The following UNC79 variants were observed in gnomAD, a reference collection of about 807,000 sequenced individuals.
The protein encoded by UNC79 is protein unc-79 homolog.
UNC79 carries 37 observed loss-of-function variants against 283.1 expected under a neutral mutation model. The observed-to-expected ratio is 0.13, with a 90% CI of 0.10 to 0.17. The LOEUF (loss-of-function observed/expected upper bound fraction) is 0.17, where lower values mean the gene tolerates loss of function less well. UNC79 is among the 10% of genes least tolerant of loss of function. The probability of loss-of-function intolerance (pLI) is 1.00; values close to 1 mark genes in which losing one functional copy is unlikely to be tolerated. For missense variants in UNC79, 2,272 were observed against 3,211.1 expected, an observed-to-expected ratio of 0.71 and a Z score of 7.07; for synonymous variants, 1,107 against 1,200.2, an observed-to-expected ratio of 0.92 and a Z score of 1.61.
At chr14:93,493,829 C>T (rs2058855668) in intron 5 of UNC79, among the ~76,000 whole-genome samples, 1 of 145,026 alleles carries the variant, frequency 6.9e-6, no homozygotes, top group Non-Finnish European at 1.5e-5. Flanking sequence ...GGAAGCACGT[C>T]TTACATGGCT....
intron 20 of UNC79, among the ~76,000 whole-genome samples, chr14:93,585,870 C>T (rs2064184617): frequency 1.3e-5 from 2 of 149,732 alleles, no homozygotes; most frequent in South Asian, 4.2e-4. Flanking sequence ...AAATTGAACA[C>T]CTCTCTCTCT....
chr14:93,503,412 G>A, intron 7 of UNC79, among the ~76,000 whole-genome samples: 1 of 152,016 alleles, frequency 6.6e-6, no homozygotes, highest in African/African-American at 2.4e-5. Context: ...TCTGTTAGGT[G>A]CCTAAGGTGG....
intron 2 of UNC79, among the ~76,000 whole-genome samples, chr14:93,472,855 G>T (rs2057591855): frequency 6.6e-6 from 1 of 152,020 alleles, no homozygotes; most frequent in Admixed American, 6.6e-5. Context: ...TTATCTACTT[G>T]GACTAACATA....
intron 1 of UNC79, among the ~76,000 whole-genome samples, chr14:93,406,846 A>G (rs536578878): frequency 6.6e-6 from 1 of 152,332 alleles, no homozygotes; most frequent in East Asian, 1.9e-4. Context: ...CTAGGCGGCT[A>G]TAACAAAGTA....
At chr14:93,349,139 C>T (rs187718921) in intron 1 of UNC79, among the ~76,000 whole-genome samples, 9 of 152,252 alleles carry the variant, frequency 5.9e-5, no homozygotes, top group Non-Finnish European at 1.2e-4. Context: ...GAACAAACTC[C>T]GGACACACAC....
At chr14:93,366,324 A>G (rs539083148) in intron 1 of UNC79, among the ~76,000 whole-genome samples, 46 of 152,320 alleles carry the variant, frequency 3.0e-4, no homozygotes, top group Middle Eastern at 3.4e-3. Context: ...TTGGTTACAC[A>G]GAGCAGATCC....
At chr14:93,413,748 G>C (rs112906283) in intron 1 of UNC79, among the ~76,000 whole-genome samples, 2 of 121,368 alleles carry the variant, frequency 1.6e-5, no homozygotes, top group Non-Finnish European at 3.5e-5. Flanking sequence ...ATCTCATTGT[G>C]GTTTTGATTT....
intron 2 of UNC79, among the ~76,000 whole-genome samples, chr14:93,468,220 A>G (rs1453689012): frequency 9.2e-5 from 14 of 152,188 alleles, no homozygotes; most frequent in Admixed American, 9.2e-4. Context: ...GATAATAGTT[A>G]TTTTTAATCT....
chr14:93,570,482 C>G (rs1037413804), intron 14 of UNC79, among the ~76,000 whole-genome samples: 1 of 152,190 alleles, frequency 6.6e-6, no homozygotes, highest in African/African-American at 2.4e-5. Flanking sequence ...GCCCATTGAC[C>G]TGTAAAGGGA....
chr14:93,614,903 A>G (rs2066588079), intron 27 of UNC79, among the ~76,000 whole-genome samples: 1 of 152,172 alleles, frequency 6.6e-6, no homozygotes, highest in Non-Finnish European at 1.5e-5. Flanking sequence ...GTATCAGCCA[A>G]TGTGAGAATT....
At chr14:93,501,686 CAA>C (rs11308431) in intron 7 of UNC79, among the ~76,000 whole-genome samples, 8 of 148,182 alleles carry the variant, frequency 5.4e-5, no homozygotes, top group Admixed American at 1.3e-4. Context: ...GACTCCGTCT[CAA>C]AAAAAAAAAG....
At chr14:93,447,240 T>C (rs1293587943) in intron 1 of UNC79, among the ~76,000 whole-genome samples, 1 of 152,198 alleles carries the variant, frequency 6.6e-6, no homozygotes, top group East Asian at 1.9e-4. Context: ...CCCATTCATT[T>C]CCTTTCACCC....
chr14:93,699,259 C>T (rs151239791), intron 47 of UNC79, among the ~76,000 whole-genome samples: 3,944 of 152,158 alleles, frequency 0.026, 68 homozygotes, highest in South Asian at 0.062. Context: ...TTCTTTGTCT[C>T]CTGTCCTCTC....
chr14:93,643,241 A>G (rs1343435154), intron 33 of UNC79, among the ~76,000 whole-genome samples: 1 of 152,220 alleles, frequency 6.6e-6, no homozygotes, highest in Non-Finnish European at 1.5e-5. Context: ...TCCTTCATCC[A>G]CAGGCTTCAA....
At chr14:93,384,438 C>T (rs2054728133) in intron 1 of UNC79, among the ~76,000 whole-genome samples, 1 of 152,176 alleles carries the variant, frequency 6.6e-6, no homozygotes, top group Non-Finnish European at 1.5e-5. Context: ...ATTTGCATTT[C>T]TCTGATGATC....
chr14:93,595,199 G>T (rs1272978345), intron 23 of UNC79, among the ~76,000 whole-genome samples: 1 of 151,222 alleles, frequency 6.6e-6, no homozygotes, highest in African/African-American at 2.4e-5. Context: ...AAGCGATTCT[G>T]TTGCCTCAGC....
At chr14:93,604,936 C>T (rs749643235) in intron 26 of UNC79, 131 of 1,586,600 alleles carry the variant, frequency 8.3e-5, no homozygotes, top group Non-Finnish European at 1.0e-4. Context: ...CTCCAGCTCT[C>T]GGTGGGACAC....
At chr14:93,407,851 G>A (rs1159750966) in intron 1 of UNC79, among the ~76,000 whole-genome samples, 7 of 152,126 alleles carry the variant, frequency 4.6e-5, no homozygotes, top group African/African-American at 7.2e-5. Flanking sequence ...AGACGCAGAC[G>A]ATTTAAGAAG....
intron 1 of UNC79, among the ~76,000 whole-genome samples, chr14:93,409,755 A>G (rs1391263345): frequency 6.6e-6 from 1 of 152,236 alleles, no homozygotes; most frequent in Non-Finnish European, 1.5e-5. Context: ...AAGAGACATC[A>G]TTCCTATGAA....
Sources: allele counts gnomAD v4.1 joint callset (sites outside exome capture counted in the v4.1 genomes callset), GRCh38; gene constraint gnomAD v4.1.1; transcripts MANE v1.5; gene names NCBI Gene and HGNC (gene_info 2026-07-23, HGNC 2026-07-21).